The following SYT1 variants were observed in gnomAD, a reference collection of about 807,000 sequenced individuals.
SYT1 encodes the protein synaptotagmin 1.
In SYT1, 8 loss-of-function variants were observed where a neutral mutation model predicts 44.8. That is an observed-to-expected ratio of 0.18 (90% confidence interval 0.10 to 0.32). The LOEUF (loss-of-function observed/expected upper bound fraction) is 0.32, where lower values mean the gene tolerates loss of function less well. SYT1 is among the 10% of genes least tolerant of loss of function. The pLI is 1.00. For missense variants in SYT1, 286 were observed against 509.3 expected (o/e 0.56, Z 4.22); for synonymous variants, 154 against 188.8 (o/e 0.82, Z 1.51).
intron 3 of SYT1, among the ~76,000 whole-genome samples, chr12:79,132,701 A>T (rs928286553): frequency 4.3e-5 from 6 of 140,958 alleles, no homozygotes; most frequent in African/African-American, 1.6e-4. Flanking sequence ...AAAAAAAAAA[A>T]CCCTGAAAAT....
chr12:78,959,847 A>G lies in SYT1; in HGVS notation c.-216-17952A>G, dbSNP rs558777210. On this transcript the variant is annotated intron_variant, in intron 1 of 10. Transcript: ENST00000261205. Reference sequence around the variant, plus strand: ...TCTTTGGAGCTGTAAGTGCATTTCAATGTTATGCCATGATCAGAAGGGCCA... The same window carrying G: ...TCTTTGGAGCTGTAAGTGCATTTCAGTGTTATGCCATGATCAGAAGGGCCA... Among the ~76,000 whole-genome samples the G allele has an allele frequency of 4.6e-5, 7 of 152,302 alleles. No homozygotes were observed. The South Asian group carries it at 1.2e-3, about 27-fold the overall frequency.
intron 1 of SYT1, chr12:78,976,792 C>A (rs1868871563): frequency 6.6e-6 from 1 of 151,950 alleles, no homozygotes; most frequent in Admixed American, 6.6e-5. Flanking sequence ...TAGTGGTATA[C>A]AATATGATTT....
chr12:78,914,413 A>G (rs1316373794), intron 1 of SYT1, among the ~76,000 whole-genome samples: 1 of 151,912 alleles, frequency 6.6e-6, no homozygotes, highest in East Asian at 1.9e-4. Flanking sequence ...CTCTGCACAG[A>G]TGTTTTCATA....
At chr12:79,356,961 A>C (rs1025136189) in intron 9 of SYT1, among the ~76,000 whole-genome samples, 1 of 152,222 alleles carries the variant, frequency 6.6e-6, no homozygotes, top group Non-Finnish European at 1.5e-5. Flanking sequence ...TGGGGAAAAA[A>C]AGTTTATCTT....
chr12:79,061,749 C>A (rs1234484809), intron 3 of SYT1, among the ~76,000 whole-genome samples: 1 of 152,092 alleles, frequency 6.6e-6, no homozygotes, highest in East Asian at 1.9e-4. Flanking sequence ...TCCTTCCATG[C>A]TGGTTTTCCA....
chr12:78,924,754 T>G (rs1261720437), intron 1 of SYT1, among the ~76,000 whole-genome samples: 2 of 151,116 alleles, frequency 1.3e-5, no homozygotes, highest in African/African-American at 4.8e-5. Context: ...CCTTTTGATG[T>G]GTCTCCATAA....
chr12:79,371,928 G>A (rs1282268241), intron 9 of SYT1, among the ~76,000 whole-genome samples: 1 of 152,086 alleles, frequency 6.6e-6, no homozygotes, highest in African/African-American at 2.4e-5. Context: ...ACCCATCTTT[G>A]TTCTTCTTTA....
At chr12:79,201,051 C>T (rs997714781) in intron 3 of SYT1, among the ~76,000 whole-genome samples, 1 of 152,096 alleles carries the variant, frequency 6.6e-6, no homozygotes, top group African/African-American at 2.4e-5. Context: ...CCAGCTGTTT[C>T]CAATTCCCAG....
chr12:78,939,302 C>T (rs1470511226), intron 1 of SYT1, among the ~76,000 whole-genome samples: 1 of 152,092 alleles, frequency 6.6e-6, no homozygotes, highest in Non-Finnish European at 1.5e-5. Flanking sequence ...TCAAAGTCAC[C>T]TTTTGAACTT....
chr12:79,249,396 G>A (rs949677675), intron 4 of SYT1, among the ~76,000 whole-genome samples: 4 of 151,992 alleles, frequency 2.6e-5, no homozygotes, highest in African/African-American at 4.8e-5. Flanking sequence ...GAGCCACCGC[G>A]CCCGGCCCTC....
intron 3 of SYT1, among the ~76,000 whole-genome samples, chr12:79,065,223 A>G (rs948709832): frequency 6.6e-6 from 1 of 152,104 alleles, no homozygotes; most frequent in Admixed American, 6.6e-5. Context: ...AATAAAAACA[A>G]ACAACAACAA....
chr12:79,205,528 A>G (rs1874071173), intron 3 of SYT1, among the ~76,000 whole-genome samples: 1 of 152,218 alleles, frequency 6.6e-6, no homozygotes, highest in Non-Finnish European at 1.5e-5. Context: ...TTGTGAATTC[A>G]TTAATGAATA....
At chr12:78,882,658 T>C in intron 1 of SYT1, among the ~76,000 whole-genome samples, 1 of 151,878 alleles carries the variant, frequency 6.6e-6, no homozygotes, top group Middle Eastern at 3.4e-3. Flanking sequence ...AGACATTAAG[T>C]TTGAAAATAT....
intron 3 of SYT1, among the ~76,000 whole-genome samples, chr12:79,215,316 A>G (rs117488280): frequency 6.6e-6 from 1 of 152,286 alleles, no homozygotes; most frequent in East Asian, 1.9e-4. Flanking sequence ...CAGTGGATCA[A>G]TTGAACAATG....
chr12:79,406,999 T>C (rs1290288315), intron 9 of SYT1, among the ~76,000 whole-genome samples: 1 of 152,056 alleles, frequency 6.6e-6, no homozygotes, highest in African/African-American at 2.4e-5. Context: ...CCTGGACAAG[T>C]TAATTCATGG....
At chr12:79,269,379 A>G (rs1464812445) in intron 4 of SYT1, among the ~76,000 whole-genome samples, 1 of 151,518 alleles carries the variant, frequency 6.6e-6, no homozygotes, top group African/African-American at 2.4e-5. Flanking sequence ...CTCTAGTTTT[A>G]TTTTCTGGGA....
intron 8 of SYT1, among the ~76,000 whole-genome samples, chr12:79,317,223 T>A (rs1241837258): frequency 6.6e-6 from 1 of 152,118 alleles, no homozygotes; most frequent in Admixed American, 6.5e-5. Context: ...CTTCCTTCCA[T>A]CCTTCCCAGA....
At chr12:79,101,475 A>T (rs531740225) in intron 3 of SYT1, among the ~76,000 whole-genome samples, 1 of 152,302 alleles carries the variant, frequency 6.6e-6, no homozygotes, top group South Asian at 2.1e-4. Flanking sequence ...AAGAATGGAG[A>T]GTCAGAGTAT....
intron 3 of SYT1, among the ~76,000 whole-genome samples, chr12:79,130,197 G>C (rs1474260910): frequency 6.6e-6 from 1 of 152,184 alleles, no homozygotes; most frequent in Admixed American, 6.5e-5. Context: ...ACAGTGAGCT[G>C]TAACTGAGTG....
Sources: gnomAD v4.1 joint callset for allele counts (sites outside exome capture counted in the v4.1 genomes callset) on GRCh38, gnomAD v4.1.1 for gene constraint, MANE v1.5 for transcripts, NCBI Gene and HGNC (gene_info 2026-07-23, HGNC 2026-07-21) for gene names.